The following COPS4 variants were observed in gnomAD, a reference collection of about 807,000 sequenced individuals.
The protein encoded by COPS4 is COP9 signalosome subunit 4.
A neutral mutation model predicts 55.1 loss-of-function variants in COPS4; 8 were observed. That is an observed-to-expected ratio of 0.15 (90% CI 0.09 to 0.26). COPS4 has a LOEUF of 0.26. Ranked by LOEUF, COPS4 falls within the 10% of genes least tolerant of loss-of-function variation. COPS4 has a pLI of 1.00. For missense variants in COPS4, 248 were observed against 484.0 expected, an observed-to-expected ratio of 0.51 and a Z score of 4.58; for synonymous variants, 185 against 165.7, an observed-to-expected ratio of 1.12 and a Z score of -0.90.
intron 2 of COPS4, among the ~76,000 whole-genome samples, chr4:83,047,679 C>G (rs1317563262): frequency 6.6e-6 from 1 of 152,148 alleles, no homozygotes; most frequent in Admixed American, 6.6e-5. Flanking sequence ...TTTTGAATCA[C>G]TTATTTTCAT....
chr4:83,053,125 C>T (rs747158131), intron 4 of COPS4, among the ~76,000 whole-genome samples: 1 of 151,934 alleles, frequency 6.6e-6, no homozygotes, highest in African/African-American at 2.4e-5. Flanking sequence ...GTCCTGGCTA[C>T]AAGCCTCAGT....
At chr4:83,052,479 C>T (rs1730911594) in intron 4 of COPS4, among the ~76,000 whole-genome samples, 1 of 152,164 alleles carries the variant, frequency 6.6e-6, no homozygotes, top group Non-Finnish European at 1.5e-5. Context: ...AGCACCACTC[C>T]TCTGATTGCT....
intron 2 of COPS4, among the ~76,000 whole-genome samples, chr4:83,048,723 C>T (rs558865690): frequency 6.6e-6 from 1 of 152,204 alleles, no homozygotes; most frequent in South Asian, 2.1e-4. Context: ...CTCACTGCAA[C>T]CCCAGCCTCC....
At chr4:83,058,256 C>T (rs373687197) in intron 6 of COPS4, among the ~76,000 whole-genome samples, 98 of 152,268 alleles carry the variant, frequency 6.4e-4, no homozygotes, top group Non-Finnish European at 1.1e-3. Context: ...ATTGCTCTAT[C>T]ACCCAGGCTG....
chr4:83,064,104 G>C (rs1345934634), intron 7 of COPS4, among the ~76,000 whole-genome samples: 1 of 152,154 alleles, frequency 6.6e-6, no homozygotes, highest in African/African-American at 2.4e-5. Flanking sequence ...GGGAGGCTAA[G>C]GCGGGAGGAT....
chr4:83,035,653 G>T (rs1578698730), intron 1 of COPS4: 3 of 205,304 alleles, frequency 1.5e-5, no homozygotes, highest in African/African-American at 4.6e-5. Context: ...GCCTCACACC[G>T]AATCTGGCCT....
chr4:83,043,172 T>TC (rs934110957), intron 1 of COPS4, among the ~76,000 whole-genome samples: 1 of 152,148 alleles, frequency 6.6e-6, no homozygotes, highest in African/African-American at 2.4e-5. Context: ...TTTCATTTTT[T>TC]CTTCCTATTC....
intron 1 of COPS4, among the ~76,000 whole-genome samples, chr4:83,036,326 C>A (rs1730418241): frequency 6.6e-6 from 1 of 151,412 alleles, no homozygotes; most frequent in African/African-American, 2.4e-5. Context: ...TCAAGTTGAT[C>A]TTAATGTTTA....
At position 83,044,404 on chromosome 4, in the gene COPS4, C is replaced by T. The variant is rs774858936; in HGVS notation, c.75-1222C>T. On this transcript the variant is annotated intron_variant, in intron 1 of 9. Transcript: ENST00000264389. ...AGGTTGCAGTGAGCCGAGATTGCGC[C>T]AGTGCACTCCAGCCTGGGTGACAGA... is the stretch of plus-strand genomic sequence containing the variant. 6.4e-4 allele frequency among the ~76,000 whole-genome samples: 88 copies of T among 137,510 alleles called. 1 individual carries two copies. The highest frequency in any genetic ancestry group is 1.4e-4 in the Non-Finnish European group (9 of 65,348). The allele number at this position is 137,510 out of a possible 152,430, so 90.2% of individuals were successfully genotyped here.
chr4:83,049,836 C>T (rs1365064827), intron 3 of COPS4, 45 bp from the exon 4 acceptor site: 1 of 1,081,324 alleles, frequency 9.2e-7, no homozygotes, highest in Non-Finnish European at 1.3e-6. Context: ...TAATTAGTTA[C>T]TAATGTCAGT....
chr4:83,065,204 AT>A, intron 7 of COPS4: 1 of 451,956 alleles, frequency 2.2e-6, no homozygotes, highest in Non-Finnish European at 3.9e-6. Flanking sequence ...AATTTGAGAT[AT>A]TTATAAAATT....
intron 7 of COPS4, among the ~76,000 whole-genome samples, chr4:83,063,509 A>T (rs1731220188): frequency 6.7e-6 from 1 of 149,810 alleles, no homozygotes; most frequent in African/African-American, 2.5e-5. Flanking sequence ...CTGGCTTCAT[A>T]CCATTCTCCT....
At chr4:83,036,447 G>A (rs2126126558) in intron 1 of COPS4, among the ~76,000 whole-genome samples, 1 of 152,186 alleles carries the variant, frequency 6.6e-6, no homozygotes, top group East Asian at 1.9e-4. Flanking sequence ...TTTCTCTGGT[G>A]GCAAACGTAA....
At chr4:83,051,789 C>T (rs564188980) in intron 4 of COPS4, among the ~76,000 whole-genome samples, 1 of 152,164 alleles carries the variant, frequency 6.6e-6, no homozygotes, top group African/African-American at 2.4e-5. Context: ...ATGAGATGCC[C>T]AAAGGAGAGA....
intron 1 of COPS4, 36 bp from the exon 2 acceptor site, chr4:83,045,590 C>T (rs1304931797): frequency 3.4e-6 from 5 of 1,490,826 alleles, no homozygotes; most frequent in Non-Finnish European, 4.7e-6. Context: ...AAATATAGTA[C>T]CCTCAGAACA....
At chr4:83,062,845 A>T (rs1731195379) in intron 6 of COPS4, 1 of 370,558 alleles carries the variant, frequency 2.7e-6, no homozygotes, top group Non-Finnish European at 4.8e-6. Context: ...ATTGACAAAA[A>T]TGTTGTGACC....
At chr4:83,062,018 C>T (rs536552926) in intron 6 of COPS4, among the ~76,000 whole-genome samples, 1 of 152,298 alleles carries the variant, frequency 6.6e-6, no homozygotes, top group East Asian at 1.9e-4. Flanking sequence ...ATGCTCATTG[C>T]TTCTGGGTGT....
chr4:83,060,041 G>A (rs1051371059), intron 6 of COPS4, among the ~76,000 whole-genome samples: 1 of 151,920 alleles, frequency 6.6e-6, no homozygotes, highest in African/African-American at 2.4e-5. Context: ...CATTCCCTCC[G>A]TTTTAATAGG....
intron 2 of COPS4, among the ~76,000 whole-genome samples, chr4:83,048,862 G>A (rs190420330): frequency 6.6e-6 from 1 of 152,056 alleles, no homozygotes; most frequent in African/African-American, 2.4e-5. Flanking sequence ...GGTCAGGCTG[G>A]TCTCGAACTC....
Sources: allele counts gnomAD v4.1 joint callset (sites outside exome capture counted in the v4.1 genomes callset), GRCh38; gene constraint gnomAD v4.1.1; transcripts MANE v1.5; gene names NCBI Gene and HGNC (gene_info 2026-07-23, HGNC 2026-07-21).